PLXNA4: variants seen among roughly 807,000 people sequenced by gnomAD.
PLXNA4 encodes plexin A4.
PLXNA4 carries 44 observed loss-of-function variants against 191.8 expected under a neutral mutation model. The observed-to-expected ratio is 0.23, with a 90% CI of 0.18 to 0.29. The LOEUF is 0.29. Ranked by LOEUF, PLXNA4 falls within the 10% of genes least tolerant of loss-of-function variation. The probability of loss-of-function intolerance (pLI) is 1.00; values close to 1 mark genes in which losing one functional copy is unlikely to be tolerated. For missense variants in PLXNA4, 1,800 were observed against 2,488.8 expected (o/e 0.72, Z 5.89); for synonymous variants, 1,082 against 1,009.5 (o/e 1.07, Z -1.36).
intron 2 of PLXNA4, among the ~76,000 whole-genome samples, chr7:132,495,611 G>A (rs1797979992): frequency 1.3e-5 from 2 of 152,102 alleles, no homozygotes; most frequent in Non-Finnish European, 2.9e-5. Flanking sequence ...TGTGGTCCAG[G>A]AGAGAGAGGA....
At chr7:132,517,238 C>T (rs1798977549) in intron 1 of PLXNA4, among the ~76,000 whole-genome samples, 1 of 152,210 alleles carries the variant, frequency 6.6e-6, no homozygotes, top group Non-Finnish European at 1.5e-5. Flanking sequence ...CGATGGATGA[C>T]ATTTCCCAGC....
chr7:132,501,940 G>A (rs1447284773), intron 2 of PLXNA4, among the ~76,000 whole-genome samples: 3 of 152,352 alleles, frequency 2.0e-5, no homozygotes, highest in Admixed American at 6.5e-5. Context: ...GGATGGTGCG[G>A]GGAAGAGGAG....
chr7:132,215,027 T>C (rs1369822217), intron 9 of PLXNA4, among the ~76,000 whole-genome samples: 1 of 152,200 alleles, frequency 6.6e-6, no homozygotes, highest in Non-Finnish European at 1.5e-5. Flanking sequence ...ATCTGCTCCC[T>C]TTTTCCACCT....
chr7:132,179,898 G>T lies in PLXNA4; in HGVS notation c.3663C>A (p.Tyr1221Ter), dbSNP rs374317794. Residue 1221 changes from tyrosine to a stop codon, truncating the protein, a stop_gained, in exon 20 of 32, where the codon TAC becomes TAA. Transcript: ENST00000321063. LOFTEE classifies it high-confidence loss of function. ...GGGCAATGTACACCATCCCCGGGGA[G>T]TACTCCATGCCACCGACACGGGCCT... is the stretch of plus-strand genomic sequence containing the variant. The part of the protein sequence containing the change: ...KVMARVGGME[Y>*]SPGMVYIAPD... The T allele has an allele frequency of 6.2e-7, 1 of 1,610,014 alleles. No homozygotes were observed. Among genetic ancestry groups the T allele is most frequent in the South Asian group, 1.1e-5 (1 of 90,836 alleles).
In PLXNA4 at chr7:132,148,002, A is replaced by G. The variant is rs1386519248; in HGVS notation, c.4765-3T>C. On this transcript the variant is annotated splice_region_variant and splice_polypyrimidine_tract_variant and intron_variant, in intron 26 of 31. Coordinates refer to ENST00000321063, the MANE Select transcript of PLXNA4 (RefSeq NM_020911.2). The stretch of plus-strand genomic sequence containing the variant: ...GCCACCACGGAACCATCTGGCACCT[A>G]CAGGGAAAAAGCTTCTCAGGGCCTA... The G allele has an allele frequency of 2.5e-6, 4 of 1,613,994 alleles. No individual in the cohort carries two copies. Among genetic ancestry groups the G allele is most frequent in the Non-Finnish European group, 3.4e-6 (4 of 1,180,014 alleles).
intron 2 of PLXNA4, among the ~76,000 whole-genome samples, chr7:132,498,665 G>C (rs991284199): frequency 6.6e-6 from 1 of 152,106 alleles, no homozygotes; most frequent in Admixed American, 6.6e-5. Flanking sequence ...TGTGGTTTCA[G>C]GCATCCACTG....
chr7:132,216,608 A>G (rs1797970585), intron 9 of PLXNA4, among the ~76,000 whole-genome samples: 1 of 152,226 alleles, frequency 6.6e-6, no homozygotes, highest in Non-Finnish European at 1.5e-5. Context: ...TTCAGTGTCC[A>G]TTCCACTACC....
chr7:132,346,062 T>C (rs566505285), intron 3 of PLXNA4, among the ~76,000 whole-genome samples: 5 of 152,358 alleles, frequency 3.3e-5, no homozygotes, highest in Non-Finnish European at 7.3e-5. Context: ...ACCTTCTCTC[T>C]GGGTCTTTCT....
At chr7:132,434,014 A>T (rs1795372750) in intron 3 of PLXNA4, among the ~76,000 whole-genome samples, 1 of 152,200 alleles carries the variant, frequency 6.6e-6, no homozygotes, top group African/African-American at 2.4e-5. Flanking sequence ...AGCACCTACT[A>T]GGTGCCATTA....
chr7:132,605,075 C>A (rs1802898557), intron 2 of PLXNA4, among the ~76,000 whole-genome samples: 1 of 152,236 alleles, frequency 6.6e-6, no homozygotes, highest in Non-Finnish European at 1.5e-5. Flanking sequence ...AGGCCCCATG[C>A]TGAGCACTCT....
At chr7:132,357,279 G>A (rs563661023) in intron 3 of PLXNA4, among the ~76,000 whole-genome samples, 34 of 152,310 alleles carry the variant, frequency 2.2e-4, no homozygotes, top group Middle Eastern at 3.4e-3. Flanking sequence ...AGCTGAGAGC[G>A]TGGAACACTG....
At chr7:132,576,973 C>G (rs1045408188), upstream of PLXNA4, 2 of 146,426 alleles carry the variant, frequency 1.4e-5, no homozygotes, top group Non-Finnish European at 3.0e-5. This position sits in a 1 kb window ranked among gnomAD's most constrained non-coding sequence, Gnocchi z 5.8. Context: ...GTAGCGGCGG[C>G]CGCCCCCCGG....
chr7:132,486,476 G>A (rs1452751954), intron 3 of PLXNA4, among the ~76,000 whole-genome samples: 1 of 152,190 alleles, frequency 6.6e-6, no homozygotes, highest in Non-Finnish European at 1.5e-5. Context: ...CTGTTCCCCT[G>A]GGCCAGCTGT....
At chr7:132,451,312 G>T (rs1485087903) in intron 3 of PLXNA4, among the ~76,000 whole-genome samples, 1 of 152,168 alleles carries the variant, frequency 6.6e-6, no homozygotes, top group African/African-American at 2.4e-5. Flanking sequence ...CCTCTTTGCT[G>T]CATCCTTGCC....
chr7:132,315,153 A>G (rs1307034459), intron 3 of PLXNA4, among the ~76,000 whole-genome samples: 1 of 152,172 alleles, frequency 6.6e-6, no homozygotes, highest in Non-Finnish European at 1.5e-5. Flanking sequence ...CATTTCTGCT[A>G]CTGGGGCCTG....
At chr7:132,546,068 A>G (rs943133263) in intron 1 of PLXNA4, among the ~76,000 whole-genome samples, 10 of 152,362 alleles carry the variant, frequency 6.6e-5, no homozygotes, top group Non-Finnish European at 1.3e-4. Flanking sequence ...AGAAGGGTGC[A>G]TTTGACTAGC....
At chr7:132,382,126 T>C (rs1408767924) in intron 3 of PLXNA4, among the ~76,000 whole-genome samples, 1 of 152,194 alleles carries the variant, frequency 6.6e-6, no homozygotes. Context: ...GACCACTAGA[T>C]GTGCTTTCTA....
intron 2 of PLXNA4, among the ~76,000 whole-genome samples, chr7:132,606,248 T>C (rs1483127857): frequency 6.6e-6 from 1 of 152,172 alleles, no homozygotes; most frequent in Non-Finnish European, 1.5e-5. Context: ...GAGAGTTCCA[T>C]AGGGAGCATG....
At chr7:132,499,200 A>G (rs1798148905) in intron 2 of PLXNA4, among the ~76,000 whole-genome samples, 2 of 152,186 alleles carry the variant, frequency 1.3e-5, no homozygotes, top group Non-Finnish European at 2.9e-5. Flanking sequence ...TAGGGGTTGA[A>G]CCCATGACCT....
Sources: allele counts gnomAD v4.1 joint callset (sites outside exome capture counted in the v4.1 genomes callset), GRCh38; gene constraint gnomAD v4.1.1; non-coding constraint Gnocchi (gnomAD v3.1); transcripts MANE v1.5; gene names NCBI Gene and HGNC (gene_info 2026-07-23, HGNC 2026-07-21).